PPP1CA: variants seen among roughly 807,000 people sequenced by gnomAD.
PPP1CA encodes the protein serine/threonine-protein phosphatase PP1-alpha catalytic subunit.
Under a neutral mutation model 38.5 loss-of-function variants are expected in PPP1CA, and 14 were observed. That is an observed-to-expected ratio of 0.36 (90% CI 0.24 to 0.57). The LOEUF (loss-of-function observed/expected upper bound fraction) is 0.57, where lower values mean the gene tolerates loss of function less well. PPP1CA is among the 20% of genes least tolerant of loss of function. The probability of loss-of-function intolerance (pLI) is 0.80; values close to 1 mark genes in which losing one functional copy is unlikely to be tolerated. For synonymous variants in PPP1CA, 200 were observed against 177.3 expected (o/e 1.13, Z -1.02); for missense variants, 277 against 435.2 (o/e 0.64, Z 3.23).
In PPP1CA at chr11:67,401,839, C is replaced by G; in HGVS notation, c.-57G>C. On this transcript the variant is annotated 5_prime_UTR_variant, in exon 1 of 7. Coordinates refer to ENST00000376745, the MANE Select transcript of PPP1CA (RefSeq NM_002708.4). ...TGGCCCGCTCCTGCCTCCCGCCCTC[C>G]GGCAGCCTCCTTCCGGCCTGGCTCT... 3.8e-6 allele frequency: 5 copies of G among 1,319,834 alleles called. No homozygotes were observed. The highest frequency in any genetic ancestry group is 4.9e-6 in the Non-Finnish European group (5 of 1,022,848). The allele number at this position is 1,319,834 out of a possible 1,614,324, so 81.8% of individuals were successfully genotyped here.
In PPP1CA at chr11:67,398,943, G is replaced by A. The variant is rs1269554127; in HGVS notation, c.744C>T (p.His248=). 5.0e-6 allele frequency: 8 copies of A among 1,613,112 alleles called. No homozygotes were observed. Among genetic ancestry groups the A allele is most frequent in the African/African-American group, 2.7e-5 (2 of 74,926 alleles). Reference sequence around the variant, plus strand: ...CAGGCCGGAGCCACCAGCCCACCTGGTGTGCTCGGCAGATGAGGTCCAAGT... The same window carrying A: ...CAGGCCGGAGCCACCAGCCCACCTGATGTGCTCGGCAGATGAGGTCCAAGT... ...KHDLDLICRA[H]QVVEDGYEFF... is the part of the protein sequence containing the mutation. The change falls in exon 5 of 7, where the codon CAC becomes CAT. Residue 248 remains histidine (H), a synonymous_variant. Transcript: ENST00000376745.
At chr11:67,399,760 G>A (rs1188134504) in intron 3 of PPP1CA, 95 bp from the exon 4 acceptor site, 7 of 976,054 alleles carry the variant, frequency 7.2e-6, no homozygotes, top group Non-Finnish European at 1.1e-5. Context: ...AGAGAGTCAG[G>A]CACCGATGCA....
Position 67,401,766 on chromosome 11 carries a change from T to C in PPP1CA, c.17A>G (p.Lys6Arg). The change falls in exon 1 of 7, where the codon AAG becomes AGG. Residue 6 changes from lysine (K) to arginine (R), a missense_variant. By Grantham distance (26) the Lys-to-Arg change is conservative. Around this residue, in one of 3 missense-constraint regions of PPP1CA, gnomAD observed 44 missense variants for 27.4 expected, o/e 1.60. Coordinates refer to ENST00000376745, the MANE Select transcript of PPP1CA (RefSeq NM_002708.4). ...CCCGATGATCGAGTCCAGGTTGAGCTTCTCGCTGTCGGACATGGCGGCGCC... is the reference window on the plus strand; with the variant it reads ...CCCGATGATCGAGTCCAGGTTGAGCCTCTCGCTGTCGGACATGGCGGCGCC... MSDSE[K>R]LNLDSIIGRL... 1 of 1,476,000 alleles carries C rather than the reference T, an allele frequency of 6.8e-7. No individual in the cohort carries two copies. The highest frequency in any genetic ancestry group is 1.3e-5 in the South Asian group (1 of 76,890). The allele number at this position is 1,476,000 out of a possible 1,614,324, so 91.4% of individuals were successfully genotyped here.
At chr11:67,401,422 G>T in intron 1 of PPP1CA, 1 of 747,516 alleles carries the variant, frequency 1.3e-6, no homozygotes, top group Non-Finnish European at 2.1e-6. Flanking sequence ...TGCGCAGGGG[G>T]CTGCCACCAA....
At chr11:67,398,666 C>T (rs1242560397) in intron 6 of PPP1CA, 21 bp from the exon 7 acceptor site, 1 of 1,613,636 alleles carries the variant, frequency 6.2e-7, no homozygotes, top group Non-Finnish European at 8.5e-7. Flanking sequence ...CAGTGTTGGT[C>T]AGGCTCATGG....
Position 67,399,685 on chromosome 11 carries a change from T to C in PPP1CA, c.419-20A>G. ...TCTTGCCTGCCCAGGGGGAGGTGGC[T>C]GTGAGGTGCCTGCCTACCCCACCCT... On this transcript the variant is annotated intron_variant, in intron 3 of 6. Coordinates refer to ENST00000376745, the MANE Select transcript of PPP1CA (RefSeq NM_002708.4). 3 of 1,597,740 alleles carry C rather than the reference T, an allele frequency of 1.9e-6. No individual in the cohort carries two copies. Among genetic ancestry groups the C allele is most frequent in the Non-Finnish European group, 2.6e-6 (3 of 1,168,834 alleles).
intron 3 of PPP1CA, 111 bp downstream of exon 3, chr11:67,400,578 G>A: frequency 9.2e-7 from 1 of 1,092,260 alleles, no homozygotes; most frequent in Admixed American, 1.9e-5. Flanking sequence ...CCTTCGTGGA[G>A]CGCACAGTCT....
Position 67,401,734 on chromosome 11 carries a change from G to C in PPP1CA, c.49C>G (p.Leu17Val). 6.8e-7 allele frequency: 1 copy of C among 1,473,096 alleles called. No individual in the cohort carries two copies. The highest frequency in any genetic ancestry group is 9.1e-7 in the Non-Finnish European group (1 of 1,102,950). 91.3% of individuals were successfully genotyped at this position (1,473,096 alleles called of 1,614,324 possible). A position where few individuals can be genotyped will look rare whatever the true frequency, so the allele number is the denominator to read the frequency against. Residue 17 changes from leucine (L) to valine (V), a missense_variant, in exon 1 of 7, where the codon CTG becomes GTG. Physicochemically the swap from Leu to Val is conservative, Grantham distance 32 (BLOSUM62 1). Coordinates refer to ENST00000376745, the MANE Select transcript of PPP1CA (RefSeq NM_002708.4). The stretch of plus-strand genomic sequence containing the variant: ...CTCCCCCGCCCCGACCAACCTTCCA[G>C]CAGGCGCCCGATGATCGAGTCCAGG... ...LNLDSIIGRL[L>V]EVQGSRPGKN...
chr11:67,401,422 G>A (rs1424480275), intron 1 of PPP1CA: 5 of 747,398 alleles, frequency 6.7e-6, no homozygotes, highest in Non-Finnish European at 1.1e-5. Flanking sequence ...TGCGCAGGGG[G>A]CTGCCACCAA....
chr11:67,401,020 T>C (rs1862877969), intron 2 of PPP1CA, 48 bp downstream of exon 2: 6 of 1,611,092 alleles, frequency 3.7e-6, no homozygotes, highest in Non-Finnish European at 5.1e-6. Context: ...CTCTGTGGGG[T>C]CCAGTGCCAC....
intron 1 of PPP1CA, 33 bp downstream of exon 1, chr11:67,401,695 C>A: frequency 2.2e-6 from 3 of 1,383,672 alleles, no homozygotes; most frequent in Non-Finnish European, 9.4e-7. Flanking sequence ...GGCCAGGGCG[C>A]GGCGGACGCG....
At chr11:67,400,085 C>T (rs1284729426) in intron 3 of PPP1CA, among the ~76,000 whole-genome samples, 2 of 151,634 alleles carry the variant, frequency 1.3e-5, no homozygotes, top group Non-Finnish European at 2.9e-5. Context: ...TGTGGTGAGC[C>T]GAGATCACAC....
rs1862833292 is a variant in PPP1CA, at chr11:67,399,548, T to G, written c.523+13A>C. The stretch of plus-strand genomic sequence containing the variant: ...GGCCAGTGCTCCTCCTCCCCAGCCA[T>G]CCCCTCCCTCACCTCCGTGGCAGCA... On this transcript the variant is annotated intron_variant, in intron 4 of 6. Transcript: ENST00000376745. The G allele has an allele frequency of 1.2e-6, 2 of 1,612,170 alleles. No individual in the cohort carries two copies. The highest frequency in any genetic ancestry group is 1.7e-6 in the Non-Finnish European group (2 of 1,178,366).
At chr11:67,398,914 G>A (rs766173713) in intron 5 of PPP1CA, 26 bp downstream of exon 5, 1 of 1,612,246 alleles carries the variant, frequency 6.2e-7, no homozygotes, top group Non-Finnish European at 8.5e-7. Flanking sequence ...CCCTTCCCCT[G>A]CCGCAGGCCG....
intron 3 of PPP1CA, 70 bp downstream of exon 3, chr11:67,400,619 T>G: frequency 1.4e-6 from 2 of 1,436,490 alleles, no homozygotes; most frequent in African/African-American, 1.4e-5. Context: ...CAGGCCAATG[T>G]GAAGGTCCCA....
chr11:67,401,685 G>A (rs1421495508), intron 1 of PPP1CA, 43 bp downstream of exon 1: 4 of 1,357,580 alleles, frequency 2.9e-6, no homozygotes, highest in Non-Finnish European at 3.8e-6. Flanking sequence ...CCGGGCAGGG[G>A]GCCAGGGCGC....
intron 6 of PPP1CA, 28 bp from the exon 7 acceptor site, chr11:67,398,673 A>G (rs771220748): frequency 6.2e-7 from 1 of 1,613,674 alleles, no homozygotes; most frequent in Non-Finnish European, 8.5e-7. Context: ...GGTCAGGCTC[A>G]TGGGGCTGAG....
chr11:67,400,150 A>G (rs1445157717), intron 3 of PPP1CA, among the ~76,000 whole-genome samples: 1 of 152,194 alleles, frequency 6.6e-6, no homozygotes, highest in Non-Finnish European at 1.5e-5. Context: ...AAAAGTAAAG[A>G]AACAGGGTCT....
At chr11:67,401,423 C>A (rs1195443925) in intron 1 of PPP1CA, 4 of 743,898 alleles carry the variant, frequency 5.4e-6, no homozygotes, top group Non-Finnish European at 8.5e-6. Context: ...GCGCAGGGGG[C>A]TGCCACCAAA....
Sources: gnomAD v4.1 joint callset for allele counts (sites outside exome capture counted in the v4.1 genomes callset) on GRCh38, gnomAD v4.1.1 for gene constraint, gnomAD v4.1.1 regional missense constraint, MANE v1.5 for transcripts, NCBI Gene and HGNC (gene_info 2026-07-23, HGNC 2026-07-21) for gene names.